ARHGAP35: variants seen among roughly 807,000 people sequenced by gnomAD.
The protein encoded by ARHGAP35 is Rho GTPase activating protein 35.
A neutral mutation model predicts 111.1 loss-of-function variants in ARHGAP35; 15 were observed. That is an observed-to-expected ratio of 0.13 (90% CI 0.09 to 0.21). ARHGAP35 has a LOEUF of 0.21. Ranked by LOEUF, ARHGAP35 falls within the 10% of genes least tolerant of loss-of-function variation. The pLI, the probability that ARHGAP35 is intolerant of heterozygous loss-of-function variation, is 1.00. For synonymous variants in ARHGAP35, 643 were observed against 710.3 expected, an observed-to-expected ratio of 0.91 and a Z score of 1.51; for missense variants, 1,262 against 1,873.0, an observed-to-expected ratio of 0.67 and a Z score of 6.02.
At chr19:46,878,662 G>A (rs954447185) in intron 1 of ARHGAP35, among the ~76,000 whole-genome samples, 1 of 152,000 alleles carries the variant, frequency 6.6e-6, no homozygotes, top group Non-Finnish European at 1.5e-5. Context: ...GTTGTTTTTT[G>A]AGATGTCTCA....
intron 1 of ARHGAP35, among the ~76,000 whole-genome samples, chr19:46,917,662 C>T (rs963490733): frequency 3.3e-5 from 5 of 152,194 alleles, no homozygotes; most frequent in East Asian, 1.9e-4. Context: ...GTATATATCA[C>T]ATTTTGCTTA....
At chr19:46,881,487 C>G (rs1423604260) in intron 1 of ARHGAP35, among the ~76,000 whole-genome samples, 1 of 152,186 alleles carries the variant, frequency 6.6e-6, no homozygotes, top group East Asian at 1.9e-4. Flanking sequence ...TTTTGGATGA[C>G]TAGGTGCCTT....
intron 3 of ARHGAP35, among the ~76,000 whole-genome samples, chr19:46,979,475 C>G (rs999872980): frequency 1.3e-5 from 2 of 152,174 alleles, no homozygotes; most frequent in African/African-American, 2.4e-5. Context: ...TTAAGCCCAG[C>G]TGTTGGGATA....
intron 3 of ARHGAP35, among the ~76,000 whole-genome samples, chr19:46,976,440 C>A (rs1220159395): frequency 1.3e-5 from 2 of 152,184 alleles, no homozygotes; most frequent in African/African-American, 4.8e-5. Flanking sequence ...GAACAGTGTG[C>A]CCTGGCACAC....
In ARHGAP35 at chr19:46,919,647, C is replaced by T. The variant is rs765929228; in HGVS notation, c.972C>T (p.His324=). 2.1e-5 allele frequency: 34 copies of T among 1,613,848 alleles called. 1 individual carries two copies. The highest frequency in any genetic ancestry group is 1.4e-4 in the South Asian group (13 of 91,074). The stretch of plus-strand genomic sequence containing the variant: ...AAGCCAAGAAGCTGTTTCTACAGCA[C>T]ATCCACCGCCTCAAGCATGAGCATA... The part of the protein sequence containing the change: ...TQKAKKLFLQ[H]IHRLKHEHIE... Residue 324 remains histidine, a synonymous_variant, in exon 2 of 7, where the codon CAC becomes CAT. Coordinates refer to ENST00000672722, the MANE Select transcript of ARHGAP35 (RefSeq NM_004491.5). The surrounding 1 kb of genome is among the most constrained non-coding windows in gnomAD (Gnocchi z 6.2).
At chr19:46,953,930 T>C (rs1320248727) in intron 3 of ARHGAP35, among the ~76,000 whole-genome samples, 1 of 152,204 alleles carries the variant, frequency 6.6e-6, no homozygotes, top group Non-Finnish European at 1.5e-5. Context: ...TCCTCTCCCA[T>C]CTAACACATT....
chr19:46,985,956 G>C (rs1055471204), intron 3 of ARHGAP35, among the ~76,000 whole-genome samples: 1 of 152,122 alleles, frequency 6.6e-6, no homozygotes, highest in Non-Finnish European at 1.5e-5. Context: ...TCCAGAGGTA[G>C]CAGTGACAAT....
chr19:46,906,679 G>C (rs539357719), intron 1 of ARHGAP35, among the ~76,000 whole-genome samples: 39 of 152,262 alleles, frequency 2.6e-4, no homozygotes, highest in African/African-American at 8.7e-4. Flanking sequence ...CTTAGCCTTA[G>C]CTTCAGTACA....
chr19:46,968,681 T>C (rs1202739127), intron 3 of ARHGAP35, among the ~76,000 whole-genome samples: 1 of 152,222 alleles, frequency 6.6e-6, no homozygotes, highest in East Asian at 1.9e-4. Flanking sequence ...TACAGATGGA[T>C]GAACCTTGAA....
Position 46,918,663 on chromosome 19 carries a change from G to T in ARHGAP35, c.-13G>T. ...ATCTCAGAAGTGGCTGATCGTGGCA[G>T]GATGTGTCGACGATGATGATGGCAA... On this transcript the variant is annotated 5_prime_UTR_variant, in exon 2 of 7. The change creates a new upstream start codon in the 5' untranslated region. Transcript: ENST00000672722. The surrounding 1 kb of genome is among the most constrained non-coding windows in gnomAD (Gnocchi z 5.4). 6.2e-7 allele frequency: 1 copy of T among 1,606,870 alleles called. No individual in the cohort carries two copies. The highest frequency in any genetic ancestry group is 1.1e-5 in the South Asian group (1 of 89,960).
intron 1 of ARHGAP35, among the ~76,000 whole-genome samples, chr19:46,876,050 G>A (rs985547930): frequency 5.9e-5 from 9 of 152,056 alleles, no homozygotes. Context: ...TGCACCCTCC[G>A]ACAAGGCCCT....
rs1332052270 is a variant in ARHGAP35, at chr19:46,992,385, C to A, written c.4036+2710C>A. Among the ~76,000 whole-genome samples the A allele has an allele frequency of 6.6e-6, 1 of 152,212 alleles. No homozygotes were observed. On this transcript the variant is annotated intron_variant, in intron 5 of 6. Coordinates refer to ENST00000672722, the MANE Select transcript of ARHGAP35 (RefSeq NM_004491.5). The surrounding 1 kb of genome is among the most constrained non-coding windows in gnomAD (Gnocchi z 4.4). ...AGCTGAGCTTGAAGTGCACAAACCC[C>A]AGCAAGGAAGGCGCGAGGAAGAGGG...
chr19:46,877,118 G>A lies in ARHGAP35; in HGVS notation c.-189+15909G>A, dbSNP rs574579275. 4.0e-5 allele frequency among the ~76,000 whole-genome samples: 6 copies of A among 151,738 alleles called. No homozygotes were observed. The East Asian group carries it at 5.8e-4, about 15-fold the overall frequency. ...TACAAAATTAGTCAGGCGTGGTGGC[G>A]CATGCCTGTAATCCCAGCTACTCAG... is the stretch of plus-strand genomic sequence containing the variant. On this transcript the variant is annotated intron_variant, in intron 1 of 6. Coordinates refer to ENST00000672722, the MANE Select transcript of ARHGAP35 (RefSeq NM_004491.5).
Position 46,922,357 on chromosome 19 carries a change from G to A in ARHGAP35, c.3681+1G>A, listed in dbSNP as rs2056208241. On this transcript the variant is annotated splice_donor_variant, in intron 2 of 6. Transcript: ENST00000672722. LOFTEE classifies it high-confidence loss of function. The surrounding 1 kb of genome is among the most constrained non-coding windows in gnomAD (Gnocchi z 4.0). The stretch of plus-strand genomic sequence containing the variant: ...TCGCAGCCTAAGGAGGAACACTAAG[G>A]TAAGACACCAGTCTAGGATTAGTCA... The A allele has an allele frequency of 6.3e-7, 1 of 1,585,784 alleles. No individual in the cohort carries two copies. The highest frequency in any genetic ancestry group is 8.6e-7 in the Non-Finnish European group (1 of 1,166,310).
intron 3 of ARHGAP35, among the ~76,000 whole-genome samples, chr19:46,937,672 G>T (rs1200457411): frequency 2.0e-5 from 3 of 152,302 alleles, no homozygotes; most frequent in Middle Eastern, 3.4e-3. Flanking sequence ...CTGCTTGGGC[G>T]CTTTCTCTGT....
At position 46,861,183 on chromosome 19, in the gene ARHGAP35, C is replaced by T. The variant is rs1333631883; in HGVS notation, c.-215C>T. ...TCGTTGCTGCCGGGATTTTGGAGGC[C>T]GGGGCCGCGCTGAGGGCGCCCAGCT... On this transcript the variant is annotated 5_prime_UTR_variant, in exon 1 of 7. Transcript: ENST00000672722. Among the ~76,000 whole-genome samples, 5 of 151,570 alleles carry T rather than the reference C, an allele frequency of 3.3e-5. No individual in the cohort carries two copies. Among genetic ancestry groups the T allele is most frequent in the African/African-American group, 2.4e-5 (1 of 41,362 alleles).
At chr19:46,963,909 C>G (rs2056498760) in intron 3 of ARHGAP35, among the ~76,000 whole-genome samples, 1 of 151,830 alleles carries the variant, frequency 6.6e-6, no homozygotes, top group African/African-American at 2.4e-5. Context: ...GCTCTGTCAC[C>G]CAGGCTGGAG....
intron 1 of ARHGAP35, among the ~76,000 whole-genome samples, chr19:46,891,202 A>G (rs1246099944): frequency 6.6e-6 from 1 of 152,188 alleles, no homozygotes; most frequent in Non-Finnish European, 1.5e-5. Flanking sequence ...GCCACATAGT[A>G]GAGCCCAATA....
At chr19:46,937,212 A>C (rs1429964877) in intron 2 of ARHGAP35, 52 bp from the exon 3 acceptor site, 13 of 1,604,746 alleles carry the variant, frequency 8.1e-6, no homozygotes, top group Non-Finnish European at 1.1e-5. Flanking sequence ...TGTTTAAGTT[A>C]CATGTTGATA....
Sources: gnomAD v4.1 joint callset for allele counts (sites outside exome capture counted in the v4.1 genomes callset) on GRCh38, gnomAD v4.1.1 for gene constraint, Gnocchi (gnomAD v3.1) non-coding constraint, MANE v1.5 for transcripts, NCBI Gene and HGNC (gene_info 2026-07-23, HGNC 2026-07-21) for gene names.